The following APTX variants were observed in gnomAD, a reference collection of about 807,000 sequenced individuals.
APTX encodes forkhead-associated domain histidine triad-like protein.
APTX carries 33 observed loss-of-function variants against 42.3 expected under a neutral mutation model. That is an observed-to-expected ratio of 0.78 (90% CI 0.59 to 1.04). APTX has a LOEUF of 1.04. Among genes scored for constraint, APTX ranks in the 50% least tolerant of loss-of-function variants. The probability of loss-of-function intolerance (pLI) is 0.00; values close to 1 mark genes in which losing one functional copy is unlikely to be tolerated. For synonymous variants in APTX, 130 were observed against 146.7 expected (o/e 0.89, Z 0.82); for missense variants, 421 against 415.1 (o/e 1.01, Z -0.12).
intron 1 of APTX, among the ~76,000 whole-genome samples, chr9:33,013,340 C>A (rs977347731): frequency 1.3e-5 from 2 of 152,100 alleles, no homozygotes; most frequent in African/African-American, 4.8e-5. Context: ...ATTCAGTTTC[C>A]AGAATTTGTA....
upstream of APTX, among the ~76,000 whole-genome samples, chr9:33,004,957 G>T (rs1837032897): frequency 6.6e-6 from 1 of 151,664 alleles, no homozygotes; most frequent in South Asian, 2.1e-4. Flanking sequence ...ACTTTTTTTT[G>T]ATAGCAGCCA....
chr9:33,023,965 T>C (rs899167487), intron 1 of APTX, among the ~76,000 whole-genome samples: 3 of 152,242 alleles, frequency 2.0e-5, no homozygotes, highest in Admixed American at 6.5e-5. Context: ...CACCTTAGTA[T>C]AGCCTTCCCC....
At chr9:32,987,131 A>G (rs962758728) in intron 4 of APTX, among the ~76,000 whole-genome samples, 7 of 152,202 alleles carry the variant, frequency 4.6e-5, no homozygotes, top group Admixed American at 1.3e-4. Context: ...CTATATTCAC[A>G]GCTGGCTGTT....
intron 4 of APTX, among the ~76,000 whole-genome samples, chr9:32,986,726 C>G (rs1326307066): frequency 6.6e-6 from 1 of 152,006 alleles, no homozygotes; most frequent in Non-Finnish European, 1.5e-5. Flanking sequence ...GTCTCGAACT[C>G]CTGACCTCAG....
chr9:33,022,184 G>C (rs1838438457), intron 1 of APTX, among the ~76,000 whole-genome samples: 1 of 151,954 alleles, frequency 6.6e-6, no homozygotes, highest in Admixed American at 6.6e-5. Context: ...ATATACTAAA[G>C]AAAACAATTG....
intron 1 of APTX, among the ~76,000 whole-genome samples, chr9:33,022,052 T>C (rs939322508): frequency 5.3e-5 from 8 of 150,462 alleles, no homozygotes; most frequent in African/African-American, 1.5e-4. Flanking sequence ...GCTGGACTGA[T>C]GAAGGGGAAG....
At chr9:32,991,075 T>G (rs756450008) in intron 1 of APTX, among the ~76,000 whole-genome samples, 62 of 152,144 alleles carry the variant, frequency 4.1e-4, no homozygotes, top group Non-Finnish European at 3.4e-4. Context: ...TATGGGCATG[T>G]GTCACCACAG....
intron 5 of APTX, 103 bp downstream of exon 5, chr9:32,985,864 CTCAT>C (rs1321899919): frequency 1.9e-5 from 20 of 1,053,564 alleles, no homozygotes; most frequent in Non-Finnish European, 2.9e-5. Flanking sequence ...TAAAATGAAT[CTCAT>C]TCAGAAAGAC....
intron 1 of APTX, among the ~76,000 whole-genome samples, chr9:33,013,895 G>T (rs1279907058): frequency 6.6e-6 from 1 of 152,138 alleles, no homozygotes; most frequent in Non-Finnish European, 1.5e-5. Flanking sequence ...GACAGGTGGG[G>T]GCAACCACCA....
chr9:33,019,735 G>A (rs950060019), intron 1 of APTX: 2 of 559,026 alleles, frequency 3.6e-6, no homozygotes, highest in Non-Finnish European at 6.2e-6. Flanking sequence ...AGTGCTGCAG[G>A]GTCCGCACCA....
rs537200214 is a variant in APTX, at chr9:32,977,787, C to T, written c.771-3226G>A. ...CAGGGGTTTCAGGGAGCTGAGATTG[C>T]ACCACTGCACTCCAGCCTGGGCAAC... On this transcript the variant is annotated intron_variant, in intron 6 of 7. Transcript: ENST00000379817. 2.9e-3 allele frequency among the ~76,000 whole-genome samples: 435 copies of T among 151,880 alleles called. 2 individuals are homozygous for T. Among genetic ancestry groups the T allele is most frequent in the African/African-American group, 0.01 (420 of 41,420 alleles).
chr9:33,019,652 C>T (rs1838205697), intron 1 of APTX: 1 of 433,754 alleles, frequency 2.3e-6, no homozygotes, highest in Admixed American at 4.4e-5. Flanking sequence ...GGATGCACTG[C>T]CTAGGAGGAG....
intron 6 of APTX, among the ~76,000 whole-genome samples, chr9:32,975,020 T>C (rs1033245988): frequency 6.6e-6 from 1 of 152,132 alleles, no homozygotes; most frequent in African/African-American, 2.4e-5. Context: ...GGGAAGTGAT[T>C]TGAACGGAGA....
chr9:32,995,186 A>G (rs570518977), intron 1 of APTX, among the ~76,000 whole-genome samples: 2 of 152,356 alleles, frequency 1.3e-5, no homozygotes, highest in South Asian at 4.1e-4. Context: ...TAAGAAATAC[A>G]TTTCATAAGG....
At chr9:32,989,566 T>C in intron 2 of APTX, 193 bp downstream of exon 2, 1 of 854,254 alleles carries the variant, frequency 1.2e-6, no homozygotes, top group Non-Finnish European at 1.9e-6. Flanking sequence ...CCACCCTGCC[T>C]TGAACATTAT....
intron 6 of APTX, chr9:32,979,722 C>G (rs938484057): frequency 5.9e-6 from 1 of 168,938 alleles, no homozygotes; most frequent in South Asian, 1.3e-4. Flanking sequence ...TCTCTCTGAG[C>G]CCATCACTAG....
At chr9:33,005,431 TTTTG>T (rs1157615565), upstream of APTX, among the ~76,000 whole-genome samples, 3 of 150,544 alleles carry the variant, frequency 2.0e-5, no homozygotes, top group Admixed American at 2.0e-4. Context: ...TTTTTTTGTT[TTTTG>T]TTTTTGTTTT....
rs748400752 is a variant in APTX at position 32,986,055 on chromosome 9, CAAAAAA to C, written c.484-31_484-26del. 1.5e-3 allele frequency: 786 copies of C among 522,852 alleles called. 7 individuals carry two copies. In the African/African-American group the frequency reaches 0.031, roughly 20 times the overall value. The allele number at this position is 522,852 out of a possible 1,614,324, so 32.4% of individuals were successfully genotyped here. A position where few individuals can be genotyped will look rare whatever the true frequency, so the allele number is the denominator to read the frequency against. On this transcript the variant is annotated intron_variant, in intron 4 of 7. Coordinates refer to ENST00000379817, the MANE Select transcript of APTX (RefSeq NM_001195248.2). ...CCTAAAAAAAAAACAAAAAAAAAAA[CAAAAAA>C]AAAAAAAAACAAGCAATGTAAATTA...
rs959351391 is a variant in APTX, at chr9:32,989,914, G to T, written c.-4-19C>A. On this transcript the variant is annotated intron_variant, in intron 1 of 7. Coordinates refer to ENST00000379817, the MANE Select transcript of APTX (RefSeq NM_001195248.2). ...CATCACTCTAAGGGACAAAACAAAA[G>T]AATCACTAGAAAAACAGATCCACTA... 3.7e-6 allele frequency: 6 copies of T among 1,610,546 alleles called. No homozygotes were observed. The highest frequency in any genetic ancestry group is 1.3e-5 in the African/African-American group (1 of 74,848).
Sources: allele counts gnomAD v4.1 joint callset (sites outside exome capture counted in the v4.1 genomes callset), GRCh38; gene constraint gnomAD v4.1.1; transcripts MANE v1.5; gene names NCBI Gene and HGNC (gene_info 2026-07-23, HGNC 2026-07-21).